SLMAP: variants seen among roughly 807,000 people sequenced by gnomAD.
SLMAP encodes sarcolemmal membrane-associated protein.
SLMAP carries 44 observed loss-of-function variants against 128.8 expected under a neutral mutation model. That is an observed-to-expected ratio of 0.34 (90% CI 0.27 to 0.44). The LOEUF (loss-of-function observed/expected upper bound fraction) is 0.44. Ranked by LOEUF, SLMAP falls within the 20% of genes least tolerant of loss-of-function variation. The pLI is 1.00. For synonymous variants in SLMAP, 327 were observed against 348.8 expected (o/e 0.94, Z 0.70); for missense variants, 787 against 985.3 (o/e 0.80, Z 2.69).
At chr3:57,782,089 TG>T (rs1486455907) in intron 2 of SLMAP, among the ~76,000 whole-genome samples, 2 of 152,224 alleles carry the variant, frequency 1.3e-5, no homozygotes, top group Admixed American at 1.3e-4. Flanking sequence ...TCTTTTATTT[TG>T]GGACTTACAT....
rs776539780 is a variant in SLMAP at position 57,929,798 on chromosome 3, C to G, written c.*2509C>G. Among the ~76,000 whole-genome samples the G allele has an allele frequency of 6.6e-5, 10 of 152,142 alleles. No individual in the cohort carries two copies. Among genetic ancestry groups the G allele is most frequent in the Non-Finnish European group, 1.3e-4 (9 of 68,026 alleles). ...TGCAAATCACATTTTCTCTGAGTCT[C>G]CATTTTCTCATTTATAACATGCGGA... On this transcript the variant is annotated 3_prime_UTR_variant, in exon 25 of 25. Transcript: ENST00000671191.
At chr3:57,808,390 C>T (rs926715512) in intron 2 of SLMAP, among the ~76,000 whole-genome samples, 1 of 152,120 alleles carries the variant, frequency 6.6e-6, no homozygotes, top group Non-Finnish European at 1.5e-5. Context: ...CTGATGTGGG[C>T]ATTTAGTGCT....
chr3:57,784,054 C>T (rs1007427958), intron 2 of SLMAP, among the ~76,000 whole-genome samples: 4 of 152,138 alleles, frequency 2.6e-5, no homozygotes, highest in Admixed American at 6.6e-5. Context: ...TGGCAGCCTC[C>T]ACCTAGATTT....
chr3:57,802,750 A>G (rs1327610871), intron 2 of SLMAP, among the ~76,000 whole-genome samples: 1 of 152,202 alleles, frequency 6.6e-6, no homozygotes, highest in African/African-American at 2.4e-5. Flanking sequence ...TTTTGTTTAT[A>G]TAGTGTTTGA....
At position 57,757,431 on chromosome 3, in the gene SLMAP, C is replaced by G; in HGVS notation, c.-221C>G. On this transcript the variant is annotated 5_prime_UTR_variant, in exon 2 of 25. In the 5' UTR this introduces an upstream ATG that the reference lacks. Transcript: ENST00000671191. ...CTGCCAGTTGGGGACTTTTTGTGAT[C>G]ACGGCGTTGCAGCGTTTTAAAGGAG... The G allele has an allele frequency of 1.7e-6, 1 of 581,628 alleles. No individual in the cohort carries two copies. The highest frequency in any genetic ancestry group is 3.1e-6 in the Non-Finnish European group (1 of 325,626). The allele number at this position is 581,628 out of a possible 1,614,324, so 36.0% of individuals were successfully genotyped here. A position where few individuals can be genotyped will look rare whatever the true frequency, so the allele number is the denominator to read the frequency against.
chr3:57,792,250 A>G (rs1482100066), intron 2 of SLMAP, among the ~76,000 whole-genome samples: 1 of 152,084 alleles, frequency 6.6e-6, no homozygotes, highest in African/African-American at 2.4e-5. Flanking sequence ...TTTAAGTAAG[A>G]GCAATGTCTA....
intron 22 of SLMAP, among the ~76,000 whole-genome samples, chr3:57,920,917 T>A (rs2096905219): frequency 2.0e-5 from 3 of 151,898 alleles, no homozygotes; most frequent in Admixed American, 2.0e-4. Context: ...CATGGAGGGC[T>A]AAGGCACAAG....
At chr3:57,851,349 GTTGT>G in intron 6 of SLMAP, among the ~76,000 whole-genome samples, 1 of 116,958 alleles carries the variant, frequency 8.6e-6, no homozygotes, top group Non-Finnish European at 1.8e-5. Context: ...AGTGTTTTGG[GTTGT>G]TTTTTTTTTT....
chr3:57,812,441 T>C (rs540034068), intron 2 of SLMAP, among the ~76,000 whole-genome samples: 156 of 152,314 alleles, frequency 1.0e-3, no homozygotes, highest in African/African-American at 3.6e-3. Context: ...ATATGAGATA[T>C]ATGTCTGTCT....
At chr3:57,757,922 T>G in intron 2 of SLMAP, 73 bp downstream of exon 2, 1 of 1,311,738 alleles carries the variant, frequency 7.6e-7, no homozygotes, top group South Asian at 1.2e-5. Context: ...CTGAGAGGAC[T>G]AATGTATGCA....
At chr3:57,829,261 A>G (rs1250330374) in intron 2 of SLMAP, among the ~76,000 whole-genome samples, 2 of 151,810 alleles carry the variant, frequency 1.3e-5, no homozygotes, top group African/African-American at 4.8e-5. Flanking sequence ...TGTATTCTTT[A>G]TTTTTATTCT....
chr3:57,792,495 G>A (rs2085704468), intron 2 of SLMAP, among the ~76,000 whole-genome samples: 1 of 151,986 alleles, frequency 6.6e-6, no homozygotes, highest in South Asian at 2.1e-4. Context: ...GGTTTTAACA[G>A]TTAGGTTTTA....
Position 57,907,989 on chromosome 3 carries a change from A to G in SLMAP, c.1607A>G (p.Lys536Arg), listed in dbSNP as rs1327009980. The G allele has an allele frequency of 1.9e-6, 3 of 1,613,634 alleles. No homozygotes were observed. Among genetic ancestry groups the G allele is most frequent in the Admixed American group, 3.3e-5 (2 of 59,972 alleles). Reference protein sequence around the residue: ...AQELARTSKQKCFELQALLEE... With the variant: ...AQELARTSKQRCFELQALLEE... ...GAGCTAGCTAGAACAAGTAAACAAAAATGCTTTGAACTTCAAGGTGAGATC... is the reference window on the plus strand; with the variant it reads ...GAGCTAGCTAGAACAAGTAAACAAAGATGCTTTGAACTTCAAGGTGAGATC... Residue 536 changes from lysine (K) to arginine (R), a missense_variant, in exon 18 of 25, where the codon AAA (lysine) becomes AGA (arginine). Around this residue, in one of 2 missense-constraint regions of SLMAP, gnomAD observed 715 missense variants for 843.6 expected, o/e 0.85. Transcript: ENST00000671191.
chr3:57,791,304 G>T (rs948221715), intron 2 of SLMAP, among the ~76,000 whole-genome samples: 2 of 151,822 alleles, frequency 1.3e-5, no homozygotes, highest in Non-Finnish European at 1.5e-5. Flanking sequence ...AGGTTGCAGT[G>T]AGCCGAGACT....
chr3:57,892,783 A>AAC (rs141561615), intron 15 of SLMAP, among the ~76,000 whole-genome samples: 9,545 of 143,812 alleles, frequency 0.066, 377 homozygotes, highest in Middle Eastern at 0.1. Context: ...TGTCTCTTAA[A>AAC]ACACACACAC....
Position 57,889,522 on chromosome 3 carries a change from A to G in SLMAP, c.1301-519A>G, listed in dbSNP as rs181725552. On this transcript the variant is annotated intron_variant, in intron 14 of 24. Coordinates refer to ENST00000671191, the MANE Select transcript of SLMAP (RefSeq NM_001377540.1). ...TTAAATTATAAAAAAGTAGCATTAT[A>G]CATTTACAGAAAATCCCCCATAAAA... is the stretch of plus-strand genomic sequence containing the variant. 9.6e-4 allele frequency among the ~76,000 whole-genome samples: 146 copies of G among 152,358 alleles called. 1 individual carries two copies. Among genetic ancestry groups the G allele is most frequent in the Non-Finnish European group, 1.1e-3 (73 of 68,032 alleles).
At chr3:57,823,647 C>A (rs1365819571) in intron 2 of SLMAP, among the ~76,000 whole-genome samples, 3 of 152,140 alleles carry the variant, frequency 2.0e-5, no homozygotes, top group African/African-American at 7.2e-5. Flanking sequence ...GGTTCCAAGT[C>A]TTTGCTATTG....
intron 19 of SLMAP, among the ~76,000 whole-genome samples, chr3:57,911,895 C>A (rs752046509): frequency 3.1e-4 from 39 of 126,648 alleles, no homozygotes; most frequent in Non-Finnish European, 5.0e-4. Context: ...ACCATTTGAC[C>A]AAGCAATTCT....
At chr3:57,807,209 G>T (rs1181664846) in intron 2 of SLMAP, among the ~76,000 whole-genome samples, 1 of 152,042 alleles carries the variant, frequency 6.6e-6, no homozygotes, top group Non-Finnish European at 1.5e-5. Flanking sequence ...TTTTTGATGG[G>T]GTTGTTTTTT....
Sources: allele counts gnomAD v4.1 joint callset (sites outside exome capture counted in the v4.1 genomes callset), GRCh38; gene constraint gnomAD v4.1.1; regional missense constraint gnomAD v4.1.1; transcripts MANE v1.5; gene names NCBI Gene and HGNC (gene_info 2026-07-23, HGNC 2026-07-21).